Variants in SHISA9 observed in about 807,000 individuals in gnomAD.
SHISA9 encodes shisa family member 9.
Under a neutral mutation model 38.0 loss-of-function variants are expected in SHISA9, and 13 were observed. The ratio of observed to expected loss-of-function variants is 0.34; its 90% confidence interval spans 0.22 to 0.54. The LOEUF is 0.54. Ranked by LOEUF, SHISA9 falls within the 20% of genes least tolerant of loss-of-function variation. SHISA9 has a pLI of 0.91. For missense variants in SHISA9, 538 were observed against 575.8 expected (o/e 0.93, Z 0.67); for synonymous variants, 275 against 242.0 (o/e 1.14, Z -1.27).
chr16:12,934,169 A>G (rs1383773772), intron 2 of SHISA9, among the ~76,000 whole-genome samples: 7 of 152,216 alleles, frequency 4.6e-5, no homozygotes, highest in Non-Finnish European at 1.0e-4. Context: ...TTATATAAAT[A>G]AATGTAGGGA....
intron 2 of SHISA9, among the ~76,000 whole-genome samples, chr16:13,133,247 A>T (rs1319861991): frequency 1.3e-5 from 2 of 152,196 alleles, no homozygotes; most frequent in Admixed American, 6.5e-5. Flanking sequence ...ATTGATGTGG[A>T]GGAAAGTGTG....
At chr16:12,952,381 C>A (rs1039345918) in intron 2 of SHISA9, among the ~76,000 whole-genome samples, 8 of 152,210 alleles carry the variant, frequency 5.3e-5, no homozygotes, top group South Asian at 2.1e-4. Context: ...CTTCAGCTGA[C>A]GTGTGGTTGA....
At chr16:12,905,068 G>A (rs772109097) in intron 1 of SHISA9, among the ~76,000 whole-genome samples, 7 of 152,124 alleles carry the variant, frequency 4.6e-5, no homozygotes, top group East Asian at 1.9e-4. Flanking sequence ...GCAGCCAATC[G>A]CTGTTAAGGA....
In SHISA9 at chr16:13,237,043, T is replaced by A. The variant is rs2051391839; in HGVS notation, c.*1634T>A. 6.6e-6 allele frequency: 1 copy of A among 152,178 alleles called. No homozygotes were observed. The highest frequency in any genetic ancestry group is 2.4e-5 in the African/African-American group (1 of 41,448). The allele number at this position is 152,178 out of a possible 1,614,324, so 9.4% of individuals were successfully genotyped here. Reference sequence around the variant, plus strand: ...ATTTTTATCTAAGGTGGAAGGTTTTTCAACTAGCCCCTAAAGGTCTTTGGT... The same window carrying A: ...ATTTTTATCTAAGGTGGAAGGTTTTACAACTAGCCCCTAAAGGTCTTTGGT... On this transcript the variant is annotated 3_prime_UTR_variant, in exon 5 of 5. Transcript: ENST00000558583.
chr16:12,918,334 C>T (rs183341083), intron 2 of SHISA9, among the ~76,000 whole-genome samples: 4 of 152,220 alleles, frequency 2.6e-5, no homozygotes, highest in East Asian at 3.9e-4. Flanking sequence ...TCCCAGACAT[C>T]GTATACAAAT....
At chr16:13,009,904 T>C in intron 2 of SHISA9, among the ~76,000 whole-genome samples, 1 of 152,184 alleles carries the variant, frequency 6.6e-6, no homozygotes. Flanking sequence ...AGGCCAGGCA[T>C]AGTGGCTCAC....
chr16:13,359,101 G>GTTTTAGATTCTCCAC, the SHISA9 span, among the ~76,000 whole-genome samples: 1 of 152,208 alleles, frequency 6.6e-6, no homozygotes, highest in Non-Finnish European at 1.5e-5. Context: ...AGAATGTCCA[G>GTTTTAGATTCTCCAC]TTTTAGATTC....
the SHISA9 span, among the ~76,000 whole-genome samples, chr16:13,471,703 T>A: frequency 6.6e-6 from 1 of 152,186 alleles, no homozygotes; most frequent in Admixed American, 6.5e-5. Flanking sequence ...TCAGCTTTTA[T>A]GTGTCAATCC....
At chr16:13,193,920 G>A (rs903144532) in intron 2 of SHISA9, among the ~76,000 whole-genome samples, 4 of 152,120 alleles carry the variant, frequency 2.6e-5, no homozygotes, top group Admixed American at 2.6e-4. Context: ...ACAGCTCAGA[G>A]CTTCACTATG....
intron 2 of SHISA9, among the ~76,000 whole-genome samples, chr16:12,917,719 A>G (rs753405815): frequency 3.9e-5 from 6 of 152,230 alleles, no homozygotes; most frequent in Non-Finnish European, 2.9e-5. Flanking sequence ...TTGGTTTAAA[A>G]TAACAAAAGC....
At chr16:13,241,966 C>G (rs747418899), downstream of SHISA9, among the ~76,000 whole-genome samples, 1 of 152,188 alleles carries the variant, frequency 6.6e-6, no homozygotes, top group Non-Finnish European at 1.5e-5. Context: ...GAGAGCCACA[C>G]TATTCCTCTA....
At chr16:13,342,787 C>T in the SHISA9 span, among the ~76,000 whole-genome samples, 3 of 152,188 alleles carry the variant, frequency 2.0e-5, no homozygotes, top group South Asian at 6.2e-4. Flanking sequence ...CAAATGCCAT[C>T]TACTCAATGT....
At chr16:13,544,429 G>GT in the SHISA9 span, among the ~76,000 whole-genome samples, 20,313 of 101,898 alleles carry the variant, frequency 0.2, 2,704 homozygotes, top group African/African-American at 0.31. Flanking sequence ...TTTTTTTCTT[G>GT]TTTTTTTTTT....
the SHISA9 span, among the ~76,000 whole-genome samples, chr16:13,509,738 T>C: frequency 6.6e-6 from 1 of 152,222 alleles, no homozygotes; most frequent in Non-Finnish European, 1.5e-5. Flanking sequence ...TGACCCACTG[T>C]GTGTCAGAAA....
Position 13,235,546 on chromosome 16 carries a change from A to C in SHISA9, c.*137A>C. 4.5e-6 allele frequency: 5 copies of C among 1,102,028 alleles called. No individual in the cohort carries two copies. Among genetic ancestry groups the C allele is most frequent in the Non-Finnish European group, 6.3e-6 (5 of 796,944 alleles). The allele number at this position is 1,102,028 out of a possible 1,614,324, so 68.3% of individuals were successfully genotyped here. On this transcript the variant is annotated 3_prime_UTR_variant, in exon 5 of 5. Transcript: ENST00000558583. ...CTCAACAAGAACCAACTCTAAACCT[A>C]CTGGGGACACAGAGTCGCGCTTTTC...
At chr16:13,469,365 A>AAAAGAAAGAAAGAAAGAAAGAAAGAAAG in the SHISA9 span, among the ~76,000 whole-genome samples, 2 of 64,456 alleles carry the variant, frequency 3.1e-5, no homozygotes, top group African/African-American at 6.7e-5. Flanking sequence ...AAAGAAAAGA[A>AAAAGAAAGAAAGAAAGAAAGAAAGAAAG]AAAGAAAGAA....
At chr16:13,284,357 G>C in the SHISA9 span, among the ~76,000 whole-genome samples, 2 of 152,068 alleles carry the variant, frequency 1.3e-5, no homozygotes, top group African/African-American at 4.8e-5. Flanking sequence ...CCCAGTACCA[G>C]TTACCCTTCC....
At chr16:13,301,453 C>T in the SHISA9 span, among the ~76,000 whole-genome samples, 1 of 152,160 alleles carries the variant, frequency 6.6e-6, no homozygotes, top group Non-Finnish European at 1.5e-5. Context: ...ACCGTGAGGT[C>T]GAATGTACTG....
intron 2 of SHISA9, among the ~76,000 whole-genome samples, chr16:13,066,471 T>A (rs2073435887): frequency 6.6e-6 from 1 of 152,246 alleles, no homozygotes; most frequent in African/African-American, 2.4e-5. Context: ...TTTTTGTTGT[T>A]GTTGCTGATG....
Sources: allele counts gnomAD v4.1 joint callset (sites outside exome capture counted in the v4.1 genomes callset), GRCh38; gene constraint gnomAD v4.1.1; transcripts MANE v1.5; gene names NCBI Gene and HGNC (gene_info 2026-07-23, HGNC 2026-07-21).